The following CASKIN2 variants were observed in gnomAD, a reference collection of about 807,000 sequenced individuals.
The protein encoded by CASKIN2 is CASK interacting protein 2, also known as caskin-2.
Under a neutral mutation model 107.1 loss-of-function variants are expected in CASKIN2, and 41 were observed. The observed-to-expected ratio is 0.38, with a 90% CI of 0.30 to 0.50. CASKIN2 has a LOEUF of 0.50. Ranked by LOEUF, CASKIN2 falls within the 20% of genes least tolerant of loss-of-function variation. The probability of loss-of-function intolerance (pLI) is 0.92; values close to 1 mark genes in which losing one functional copy is unlikely to be tolerated. For synonymous variants in CASKIN2, 724 were observed against 705.6 expected, an observed-to-expected ratio of 1.03 and a Z score of -0.41; for missense variants, 1,546 against 1,657.4, an observed-to-expected ratio of 0.93 and a Z score of 1.17.
intron 3 of CASKIN2, 118 bp downstream of exon 3, chr17:75,508,116 G>T: frequency 8.7e-7 from 1 of 1,155,866 alleles, no homozygotes; most frequent in Non-Finnish European, 1.2e-6. Context: ...ACACTTCCAG[G>T]GCCAAGTCTG....
At position 75,513,775 on chromosome 17, in the gene CASKIN2, G is replaced by C. The variant is rs767911512; in HGVS notation, c.30C>G (p.Ala10=). The C allele has an allele frequency of 4.3e-6, 7 of 1,613,778 alleles. No homozygotes were observed. The South Asian group carries it at 5.5e-5, about 13-fold the overall frequency. MGREQDLIL[A]VKNGDVTGVQ... ...CACCGGTCACATCTCCATTCTTGAC[G>C]GCGAGGATCAGGTCCTGTTCACGAC... The change falls in exon 2 of 20, where the codon GCC becomes GCG. Residue 10 remains alanine, a synonymous_variant. Transcript: ENST00000321617.
intron 11 of CASKIN2, 54 bp from the exon 12 acceptor site, chr17:75,504,747 G>A: frequency 1.3e-6 from 2 of 1,576,322 alleles, no homozygotes; most frequent in South Asian, 2.3e-5. Flanking sequence ...TCTGACAGCT[G>A]TCTGGCAGCT....
intron 3 of CASKIN2, chr17:75,507,952 C>T: frequency 1.7e-6 from 1 of 585,320 alleles, no homozygotes; most frequent in South Asian, 2.1e-5. Context: ...GGCTCCTACC[C>T]TCCAGGGAGA....
rs1598462536 is a variant in CASKIN2 at position 75,502,249 on chromosome 17, G to A, written c.2825C>T (p.Ser942Phe). ...EEPGPEGTPP[S>F]RGSSGEGLPF... ...CAGCCCTTCCCCAGAGCTGCCCCGA[G>A]ATGGGGGCGTCCCCTCAGGGCCTGG... The change falls in exon 18 of 20, where the codon TCT becomes TTT. Residue 942 changes from serine to phenylalanine, a missense_variant. By Grantham distance (155) the Ser-to-Phe change is radical. Transcript: ENST00000321617. The surrounding 1 kb of genome is among the most constrained non-coding windows in gnomAD (Gnocchi z 4.3). 6.4e-7 allele frequency: 1 copy of A among 1,558,450 alleles called. No individual in the cohort carries two copies. Among genetic ancestry groups the A allele is most frequent in the Non-Finnish European group, 8.6e-7 (1 of 1,157,086 alleles).
chr17:75,505,721 T>G lies in CASKIN2; in HGVS notation c.836-70A>C. 1 of 1,550,470 alleles carries G rather than the reference T, an allele frequency of 6.4e-7. No homozygotes were observed. The highest frequency in any genetic ancestry group is 8.9e-7 in the Non-Finnish European group (1 of 1,128,306). On this transcript the variant is annotated intron_variant, in intron 9 of 19. Transcript: ENST00000321617. The surrounding 1 kb of genome is among the most constrained non-coding windows in gnomAD (Gnocchi z 5.1). ...GGGCATCTTCCCACCCCTCATGCCCTTGACAACCCTCCCCCAGGGACGTCC... is the reference window on the plus strand; with the variant it reads ...GGGCATCTTCCCACCCCTCATGCCCGTGACAACCCTCCCCCAGGGACGTCC...
In CASKIN2 at chr17:75,503,181, G is replaced by A. The variant is rs748702338; in HGVS notation, c.1893C>T (p.Ala631=). 2 of 1,602,312 alleles carry A rather than the reference G, an allele frequency of 1.2e-6. No individual in the cohort carries two copies. The highest frequency in any genetic ancestry group is 8.5e-7 in the Non-Finnish European group (1 of 1,176,754). ...CCAGCCGGCGCCCGCCTTCGCTGAG[G>A]GCCTCCCCCTGCAGCAGGCCCCGCC... ...ELRRGLLQGE[A]LSEGGRRLAK... is the part of the protein sequence containing the mutation. Residue 631 remains alanine, a synonymous_variant, in exon 18 of 20, where the codon GCC becomes GCT. Transcript: ENST00000321617.
Position 75,502,675 on chromosome 17 carries a change from C to T in CASKIN2, c.2399G>A (p.Ser800Asn), listed in dbSNP as rs2053213913. ...CTCTGTGGGGCCAGGGCGGCTTAGGCTGTGGGACCGGCGCTTAGGTCGAGG... is the reference window on the plus strand; with the variant it reads ...CTCTGTGGGGCCAGGGCGGCTTAGGTTGTGGGACCGGCGCTTAGGTCGAGG... ...DPPRPKRRSH[S>N]LSRPGPTEGD... The change falls in exon 18 of 20, where the codon AGC becomes AAC. Residue 800 changes from serine (S) to asparagine (N), a missense_variant. By Grantham distance (46) the Ser-to-Asn change is conservative (BLOSUM62 1). Around this residue, in one of 6 missense-constraint regions of CASKIN2, gnomAD observed 1,311 missense variants for 1,311.0 expected, o/e 1.00. Transcript: ENST00000321617. The surrounding 1 kb of genome is among the most constrained non-coding windows in gnomAD (Gnocchi z 4.3). 1 of 1,600,806 alleles carries T rather than the reference C, an allele frequency of 6.2e-7. No individual in the cohort carries two copies.
At chr17:75,501,331 T>C in intron 19 of CASKIN2, 137 bp downstream of exon 19, 1 of 1,214,430 alleles carries the variant, frequency 8.2e-7, no homozygotes, top group Non-Finnish European at 1.2e-6. Context: ...CTGATCTAGG[T>C]GATTTCAACA....
In CASKIN2 at chr17:75,507,798, CA is replaced by C. The variant is rs1280550060; in HGVS notation, c.147-118del. The C allele has an allele frequency of 5.4e-6, 4 of 739,110 alleles. No individual in the cohort carries two copies. In the African/African-American group the frequency reaches 6.9e-5, roughly 13 times the overall value. 45.8% of individuals were successfully genotyped at this position (739,110 alleles called of 1,614,324 possible). On this transcript the variant is annotated intron_variant, in intron 3 of 19. Transcript: ENST00000321617. ...GGCAGGGATGGGTTACTGGCCCCCC[CA>C]ACCCCAGCAGCCCTGCCGTGGGAGC...
rs899075856 is a variant in CASKIN2, at chr17:75,507,263, G to A, written c.245-134C>T. On this transcript the variant is annotated intron_variant, in intron 4 of 19. Transcript: ENST00000321617. ...GGGATGCAATGCTGGCTCTATCCAG[G>A]TGTGCTTAGGAAGAGGTTCGGCTCG... 20 of 1,063,786 alleles carry A rather than the reference G, an allele frequency of 1.9e-5. No individual in the cohort carries two copies. In the African/African-American group the frequency reaches 2.7e-4, roughly 14 times the overall value. 65.9% of individuals were successfully genotyped at this position (1,063,786 alleles called of 1,614,324 possible).
At position 75,501,046 on chromosome 17, in the gene CASKIN2, C is replaced by T. The variant is rs2053173285; in HGVS notation, c.*34G>A. ...TCTGTGCTGGGGCAAAGGCAGTGGA[C>T]TTCGGCAGGTCACAGTGGGCACTGC... On this transcript the variant is annotated 3_prime_UTR_variant, in exon 20 of 20. Transcript: ENST00000321617. The T allele has an allele frequency of 6.5e-7, 1 of 1,546,686 alleles. No homozygotes were observed. Among genetic ancestry groups the T allele is most frequent in the African/African-American group, 1.4e-5 (1 of 73,112 alleles).
rs2053259667 is a variant in CASKIN2, at chr17:75,505,869, G to T, written c.787C>A (p.Gln263Lys). The part of the protein sequence containing the change: ...YNQTALDIVN[Q>K]FTTSQASREI... Reference sequence around the variant, plus strand: ...CGGCTGGCCTGGGAGGTGGTGAACTGATTCACTATGTCCAGCGCCGTCTGG... The same window carrying T: ...CGGCTGGCCTGGGAGGTGGTGAACTTATTCACTATGTCCAGCGCCGTCTGG... Residue 263 changes from glutamine to lysine, a missense_variant, in exon 9 of 20, where the codon CAG (glutamine) becomes AAG (lysine). This residue lies in a region of CASKIN2 where 62 missense variants were observed against 81.1 expected (regional missense o/e 0.76). Coordinates refer to ENST00000321617, the MANE Select transcript of CASKIN2 (RefSeq NM_020753.5). This position sits in a 1 kb window ranked among gnomAD's most constrained non-coding sequence, Gnocchi z 5.1. 8 of 1,613,360 alleles carry T rather than the reference G, an allele frequency of 5.0e-6. No homozygotes were observed. The highest frequency in any genetic ancestry group is 6.8e-6 in the Non-Finnish European group (8 of 1,179,984).
chr17:75,501,737 A>C (rs777048084), intron 18 of CASKIN2, 42 bp downstream of exon 18: 7 of 1,532,054 alleles, frequency 4.6e-6, no homozygotes, highest in Non-Finnish European at 6.1e-6. Context: ...GGTCAGACAC[A>C]ACCCTGCCAG....
chr17:75,504,004 C>T (rs367816009), intron 14 of CASKIN2, 42 bp from the exon 15 acceptor site: 13 of 1,552,892 alleles, frequency 8.4e-6, no homozygotes, highest in African/African-American at 1.4e-5. Context: ...AGGAGCTGGA[C>T]CAAGGCCCTA....
chr17:75,507,770 G>T, intron 3 of CASKIN2, 89 bp from the exon 4 acceptor site: 2 of 1,023,146 alleles, frequency 2.0e-6, no homozygotes, highest in Non-Finnish European at 2.9e-6. Context: ...TATCCTGGGG[G>T]CTGGCAGGGA....
intron 1 of CASKIN2, among the ~76,000 whole-genome samples, chr17:75,514,417 T>C (rs1402539962): frequency 6.6e-6 from 1 of 151,202 alleles, no homozygotes; most frequent in Non-Finnish European, 1.5e-5. Flanking sequence ...GAGGTGGCAT[T>C]CTGGGAGGGG....
In CASKIN2 at chr17:75,501,009, G is replaced by T; in HGVS notation, c.*71C>A. Reference sequence around the variant, plus strand: ...CAGCCCTTGGCCCGTCCCTAGGGTGGCAGGGGCCTCTTCTGTGCTGGGGCA... The same window carrying T: ...CAGCCCTTGGCCCGTCCCTAGGGTGTCAGGGGCCTCTTCTGTGCTGGGGCA... On this transcript the variant is annotated 3_prime_UTR_variant, in exon 20 of 20. Coordinates refer to ENST00000321617, the MANE Select transcript of CASKIN2 (RefSeq NM_020753.5). 4.9e-6 allele frequency: 7 copies of T among 1,425,672 alleles called. No individual in the cohort carries two copies. The highest frequency in any genetic ancestry group is 6.7e-6 in the Non-Finnish European group (7 of 1,039,784). The allele number at this position is 1,425,672 out of a possible 1,614,324, so 88.3% of individuals were successfully genotyped here. A position where few individuals can be genotyped will look rare whatever the true frequency, so the allele number is the denominator to read the frequency against.
chr17:75,510,122 C>T lies in CASKIN2; in HGVS notation c.95-1837G>A, dbSNP rs375932068. Among the ~76,000 whole-genome samples the T allele has an allele frequency of 9.2e-5, 14 of 152,270 alleles. No individual in the cohort carries two copies. In the East Asian group the frequency reaches 1.4e-3, roughly 15 times the overall value. ...AAGGGTGGCTCCTGATTTAGGCTCC[C>T]GGGCAGAGGATGTGAGCTCAGCCGG... On this transcript the variant is annotated intron_variant, in intron 2 of 19. Coordinates refer to ENST00000321617, the MANE Select transcript of CASKIN2 (RefSeq NM_020753.5).
Position 75,502,736 on chromosome 17 carries a change from A to C in CASKIN2, c.2338T>G (p.Tyr780Asp). The C allele has an allele frequency of 1.3e-6, 2 of 1,583,822 alleles. No homozygotes were observed. The highest frequency in any genetic ancestry group is 8.6e-7 in the Non-Finnish European group (1 of 1,164,208). ...GGAGTGGCAGGGGGCCCGGCCAAGT[A>C]GGAGAAGGCCCAGGGTGCGCCAGGA... ...PPPGAPWAFS[Y>D]LAGPPATPPD... Residue 780 changes from tyrosine to aspartate, a missense_variant, in exon 18 of 20, where the codon TAC (tyrosine) becomes GAC (aspartate). Tyr to Asp is a radical substitution (Grantham distance 160). This residue lies in a region of CASKIN2 where 1,311 missense variants were observed against 1,311.0 expected (regional missense o/e 1.00). Transcript: ENST00000321617. This position sits in a 1 kb window ranked among gnomAD's most constrained non-coding sequence, Gnocchi z 4.3.
Sources: gnomAD v4.1 joint callset for allele counts (sites outside exome capture counted in the v4.1 genomes callset) on GRCh38, gnomAD v4.1.1 for gene constraint, gnomAD v4.1.1 regional missense constraint, Gnocchi (gnomAD v3.1) non-coding constraint, MANE v1.5 for transcripts, NCBI Gene and HGNC (gene_info 2026-07-23, HGNC 2026-07-21) for gene names.